MBP: variants seen among roughly 807,000 people sequenced by gnomAD.
MBP encodes Golli-MBP.
MBP carries 16 observed loss-of-function variants against 35.8 expected under a neutral mutation model. The ratio of observed to expected loss-of-function variants is 0.45; its 90% CI spans 0.30 to 0.68. The LOEUF (loss-of-function observed/expected upper bound fraction) is 0.68, where lower values mean the gene tolerates loss of function less well. Among genes scored for constraint, MBP ranks in the 30% least tolerant of loss-of-function variants. The probability of loss-of-function intolerance (pLI) is 0.08; values close to 1 mark genes in which losing one functional copy is unlikely to be tolerated. For synonymous variants in MBP, 143 were observed against 159.6 expected, an observed-to-expected ratio of 0.90 and a Z score of 0.78; for missense variants, 380 against 404.7, an observed-to-expected ratio of 0.94 and a Z score of 0.52.
intron 2 of MBP, chr18:77,092,960 A>T (rs1265200084): frequency 6.6e-6 from 1 of 152,186 alleles, no homozygotes; most frequent in African/African-American, 2.4e-5. Context: ...TGTTTCCATC[A>T]CTTACACGCA....
chr18:77,046,581 C>A (rs189024459), intron 3 of MBP, among the ~76,000 whole-genome samples: 1 of 152,260 alleles, frequency 6.6e-6, no homozygotes. Context: ...CTTCCCTGCA[C>A]CTCTGGTCTG....
chr18:77,056,029 C>G (rs964564995), intron 3 of MBP, among the ~76,000 whole-genome samples: 1 of 152,266 alleles, frequency 6.6e-6, no homozygotes, highest in South Asian at 2.1e-4. Context: ...GAGCGTGCTG[C>G]GCTCCACTGA....
In MBP at chr18:77,120,144, C is replaced by T. The variant is rs551894746; in HGVS notation, c.-26+12436G>A. Among the ~76,000 whole-genome samples the T allele has an allele frequency of 7.2e-5, 11 of 152,380 alleles. No homozygotes were observed. In the East Asian group the frequency reaches 2.1e-3, roughly 29 times the overall value. ...CTCGGGTGAGGTATGCTAAAGGGTT[C>T]GCTCTCGCTTGGTGCGAGCATTCTT... is the stretch of plus-strand genomic sequence containing the variant. On this transcript the variant is annotated intron_variant, in intron 1 of 8. Coordinates refer to ENST00000355994, the MANE Select transcript of MBP (RefSeq NM_001025101.2).
chr18:77,015,509 T>A (rs572836342), intron 4 of MBP: 1 of 985,304 alleles, frequency 1.0e-6, no homozygotes, highest in Non-Finnish European at 1.2e-6. Context: ...AAAGAACATG[T>A]CTACAAATGC....
At chr18:77,026,933 G>A (rs6650701) in intron 3 of MBP, among the ~76,000 whole-genome samples, 14,908 of 152,188 alleles carry the variant, frequency 0.098, 1,704 homozygotes, top group African/African-American at 0.27. Flanking sequence ...GATCTTAAAT[G>A]AGACAGAAGG....
chr18:76,999,859 T>C (rs1409567066), intron 4 of MBP, among the ~76,000 whole-genome samples: 2 of 152,224 alleles, frequency 1.3e-5, no homozygotes, highest in East Asian at 3.8e-4. Context: ...TTTTTGGTTA[T>C]TCATTGAGAT....
At chr18:76,982,830 AAATTT>A (rs1447827898) in intron 8 of MBP, 2 of 152,224 alleles carry the variant, frequency 1.3e-5, no homozygotes, top group African/African-American at 4.8e-5. Context: ...TTATGCAGTA[AAATTT>A]AATTACAACC....
intron 4 of MBP, among the ~76,000 whole-genome samples, chr18:76,998,543 G>C (rs470584): frequency 5.3e-5 from 8 of 152,038 alleles, no homozygotes; most frequent in Non-Finnish European, 1.2e-4. Flanking sequence ...CGGGTGACTC[G>C]CAGAAGAGAT....
At chr18:77,091,837 C>T (rs1201973384) in intron 2 of MBP, among the ~76,000 whole-genome samples, 1 of 152,094 alleles carries the variant, frequency 6.6e-6, no homozygotes, top group African/African-American at 2.4e-5. Context: ...CATGTATACA[C>T]ACCACACACC....
chr18:77,071,878 G>A (rs1018456759), intron 2 of MBP, among the ~76,000 whole-genome samples: 2 of 152,142 alleles, frequency 1.3e-5, no homozygotes, highest in African/African-American at 4.8e-5. Flanking sequence ...AATGGCGTAG[G>A]AAGTGCACCG....
Position 77,066,342 on chromosome 18 carries a change from A to T in MBP, c.95T>A (p.Leu32Gln). Residue 32 changes from leucine (L) to glutamine (Q), a missense_variant, in exon 3 of 9, where the codon CTG (leucine) becomes CAG (glutamine). By Grantham distance (113) the Leu-to-Gln change is moderately radical (BLOSUM62 -2). Coordinates refer to ENST00000355994, the MANE Select transcript of MBP (RefSeq NM_001025101.2). ...NRGESEKKRN[L>Q]GELSRTTSED... Reference sequence around the variant, plus strand: ...TGAGGTTGTCCGTGAAAGTTCACCCAGGTTTCTCTTTTTTTCAGATTCTCC... The same window carrying T: ...TGAGGTTGTCCGTGAAAGTTCACCCTGGTTTCTCTTTTTTTCAGATTCTCC... 1 of 1,614,156 alleles carries T rather than the reference A, an allele frequency of 6.2e-7. No homozygotes were observed.
At chr18:77,014,648 G>A (rs1334361447) in intron 4 of MBP, 10 of 985,428 alleles carry the variant, frequency 1.0e-5, no homozygotes, top group South Asian at 4.7e-5. Flanking sequence ...GGGCCATTGC[G>A]GGTCTGTAGC....
In MBP at chr18:77,084,944, A is replaced by C. The variant is rs1374255053; in HGVS notation, c.52-18559T>G. ...GTAAAATAAGAAGGATGATCACATT[A>C]AGAAGGGGGAGGGGGGAGAGAGAGA... On this transcript the variant is annotated intron_variant, in intron 2 of 8. Coordinates refer to ENST00000355994, the MANE Select transcript of MBP (RefSeq NM_001025101.2). Among the ~76,000 whole-genome samples, 3 of 105,174 alleles carry C rather than the reference A, an allele frequency of 2.9e-5. No homozygotes were observed. The East Asian group carries it at 8.2e-4, about 29-fold the overall frequency. 69.0% of individuals were successfully genotyped at this position (105,174 alleles called of 152,430 possible). A position where few individuals can be genotyped will look rare whatever the true frequency, so the allele number is the denominator to read the frequency against.
chr18:76,980,626 C>G, intron 8 of MBP, 155 bp from the exon 9 acceptor site: 1 of 628,172 alleles, frequency 1.6e-6, no homozygotes, highest in Non-Finnish European at 2.8e-6. Flanking sequence ...TCTTTTCATT[C>G]CATTTCTCCC....
intron 4 of MBP, chr18:77,015,157 C>T (rs1024421183): frequency 1.0e-6 from 1 of 984,716 alleles, no homozygotes; most frequent in Non-Finnish European, 1.2e-6. Flanking sequence ...TGATTGATAT[C>T]AATGCTTTCA....
chr18:77,088,666 C>CTA (rs3056784), intron 2 of MBP, among the ~76,000 whole-genome samples: 125,818 of 152,080 alleles, frequency 0.83, 52,422 homozygotes, highest in East Asian at 0.97. Context: ...CTAAAACAAA[C>CTA]TGGTTTTTAT....
chr18:77,009,834 C>A (rs1263489690), intron 4 of MBP: 5 of 1,565,510 alleles, frequency 3.2e-6, no homozygotes, highest in East Asian at 4.7e-5. Context: ...GGGTGAGGAC[C>A]CGCCGGCGTC....
At chr18:77,024,767 A>G (rs1352879568) in intron 3 of MBP, among the ~76,000 whole-genome samples, 1 of 152,268 alleles carries the variant, frequency 6.6e-6, no homozygotes, top group East Asian at 1.9e-4. Flanking sequence ...CCTCAGTCCC[A>G]ACACTGACCA....
At chr18:77,066,051 C>T (rs1974182816) in intron 3 of MBP, 3 of 453,146 alleles carry the variant, frequency 6.6e-6, no homozygotes, top group Non-Finnish European at 3.9e-6. Context: ...TTTGTAGAGA[C>T]GAGGTCTCAT....
Sources: allele counts gnomAD v4.1 joint callset (sites outside exome capture counted in the v4.1 genomes callset), GRCh38; gene constraint gnomAD v4.1.1; transcripts MANE v1.5; gene names NCBI Gene and HGNC (gene_info 2026-07-23, HGNC 2026-07-21).